The following NR5A2 variants were observed in gnomAD, a reference collection of about 807,000 sequenced individuals.
NR5A2 encodes the protein CYP7A promoter-binding factor.
In NR5A2, 26 loss-of-function variants were observed where a neutral mutation model predicts 62.7. The ratio of observed to expected loss-of-function variants is 0.41; its 90% CI spans 0.30 to 0.58. NR5A2 has a LOEUF of 0.58. Ranked by LOEUF, NR5A2 falls within the 20% of genes least tolerant of loss-of-function variation. The probability of loss-of-function intolerance (pLI) is 0.22; values close to 1 mark genes in which losing one functional copy is unlikely to be tolerated. For synonymous variants in NR5A2, 246 were observed against 241.7 expected (o/e 1.02, Z -0.16); for missense variants, 541 against 669.1 (o/e 0.81, Z 2.11).
At chr1:200,101,802 T>G (rs1438575310) in intron 5 of NR5A2, among the ~76,000 whole-genome samples, 2 of 152,228 alleles carry the variant, frequency 1.3e-5, no homozygotes, top group Non-Finnish European at 2.9e-5. Flanking sequence ...ATCATTAGTT[T>G]GTAATTAATT....
At chr1:200,040,583 G>A (rs965337060) in intron 2 of NR5A2, among the ~76,000 whole-genome samples, 3 of 152,274 alleles carry the variant, frequency 2.0e-5, no homozygotes, top group Non-Finnish European at 4.4e-5. Context: ...AAGCCCTTCA[G>A]AAGTTTATCT....
chr1:200,114,231 TATACAC>T (rs71132661), intron 6 of NR5A2, among the ~76,000 whole-genome samples: 64,480 of 130,734 alleles, frequency 0.49, 14,139 homozygotes, highest in East Asian at 0.72. Flanking sequence ...TATATATATA[TATACAC>T]ACACACACAT....
chr1:200,151,399 A>G (rs1239453477), intron 7 of NR5A2, among the ~76,000 whole-genome samples: 1 of 152,166 alleles, frequency 6.6e-6, no homozygotes, highest in Non-Finnish European at 1.5e-5. Flanking sequence ...TTCCTTTTCT[A>G]TTGATGTATC....
chr1:200,147,612 C>G lies in NR5A2; in HGVS notation c.1379-26351C>G, dbSNP rs913136523. 5 of 716,774 alleles carry G rather than the reference C, an allele frequency of 7.0e-6. No individual in the cohort carries two copies. The Admixed American group carries it at 7.1e-5, about 10-fold the overall frequency. The allele number at this position is 716,774 out of a possible 1,614,324, so 44.4% of individuals were successfully genotyped here. On this transcript the variant is annotated intron_variant, in intron 7 of 7. Transcript: ENST00000367362. The surrounding 1 kb of genome is among the most constrained non-coding windows in gnomAD (Gnocchi z 4.9). ...CGCTAGGGCAGAGCACATTTTCGCA[C>G]AGGCAGCGCCGCAGCTTGCCCTGGA...
rs77903725 is a variant in NR5A2 at position 200,143,151 on chromosome 1, C to T, written c.1378+22196C>T. On this transcript the variant is annotated intron_variant, in intron 7 of 7. Coordinates refer to ENST00000367362, the MANE Select transcript of NR5A2 (RefSeq NM_205860.3). The stretch of plus-strand genomic sequence containing the variant: ...GTCTCTTTCTCCTGTCTTGTGTTTT[C>T]TTTGCTACACACACTGTGCTCACTC... Among the ~76,000 whole-genome samples, 499 of 152,146 alleles carry T rather than the reference C, an allele frequency of 3.3e-3. 1 individual carries two copies. Among genetic ancestry groups the T allele is most frequent in the Middle Eastern group, 6.8e-3 (2 of 294 alleles).
intron 7 of NR5A2, among the ~76,000 whole-genome samples, chr1:200,144,221 T>TCACACACACA (rs755056555): frequency 7.7e-5 from 3 of 39,032 alleles, no homozygotes; most frequent in Admixed American, 3.8e-4. Flanking sequence ...TGTTTCTCTC[T>TCACACACACA]CTCTCTCTCT....
intron 7 of NR5A2, among the ~76,000 whole-genome samples, chr1:200,130,321 G>GAAGAAGAAA (rs1219705682): frequency 6.3e-5 from 2 of 31,732 alleles, no homozygotes; most frequent in Non-Finnish European, 1.8e-4. Context: ...AGAAGAAGAA[G>GAAGAAGAAA]AAAAAAAAAA....
rs1188541896 is a variant in NR5A2 at position 200,029,987 on chromosome 1, A to T, written c.64+2076A>T. On this transcript the variant is annotated intron_variant, in intron 1 of 7. Transcript: ENST00000367362. ...CCAAAGGGCTGAGGGAGAGGAACAG[A>T]GGGCGGTGAGGAGCCTTCGGACTGA... 3.3e-5 allele frequency among the ~76,000 whole-genome samples: 5 copies of T among 152,182 alleles called. No homozygotes were observed. In the East Asian group the frequency reaches 9.6e-4, roughly 29 times the overall value.
intron 7 of NR5A2, among the ~76,000 whole-genome samples, chr1:200,129,336 A>C (rs1666862439): frequency 6.6e-6 from 1 of 152,238 alleles, no homozygotes; most frequent in Non-Finnish European, 1.5e-5. Flanking sequence ...TACTGATCTC[A>C]CATCTCACTT....
At chr1:200,063,784 T>C (rs1663338944) in intron 5 of NR5A2, among the ~76,000 whole-genome samples, 1 of 152,234 alleles carries the variant, frequency 6.6e-6, no homozygotes, top group Non-Finnish European at 1.5e-5. Context: ...TCAAATTTTA[T>C]TCACATATTC....
intron 5 of NR5A2, among the ~76,000 whole-genome samples, chr1:200,102,841 A>G (rs1665443454): frequency 6.6e-6 from 1 of 152,224 alleles, no homozygotes; most frequent in African/African-American, 2.4e-5. Context: ...GAATGATAGT[A>G]TGGGATGGAG....
At chr1:200,047,867 C>T (rs374594956) in intron 4 of NR5A2, among the ~76,000 whole-genome samples, 4 of 152,190 alleles carry the variant, frequency 2.6e-5, no homozygotes, top group East Asian at 1.9e-4. Context: ...TGTGAGCCAC[C>T]GCACCACGCC....
chr1:200,065,840 C>T (rs756539485), intron 5 of NR5A2, among the ~76,000 whole-genome samples: 1 of 152,020 alleles, frequency 6.6e-6, no homozygotes, highest in Non-Finnish European at 1.5e-5. Flanking sequence ...GGACACACAG[C>T]ACTACAGGCA....
intron 2 of NR5A2, chr1:200,042,870 C>A (rs1662176463): frequency 1.1e-5 from 11 of 985,420 alleles, no homozygotes; most frequent in Non-Finnish European, 1.3e-5. Flanking sequence ...CGTGGGTCTG[C>A]GTCCGGAGCA....
intron 7 of NR5A2, among the ~76,000 whole-genome samples, chr1:200,146,559 T>C (rs1033166167): frequency 3.3e-5 from 5 of 152,236 alleles, no homozygotes; most frequent in African/African-American, 7.2e-5. Context: ...AAGACATATT[T>C]AAGATCTTTC....
intron 5 of NR5A2, among the ~76,000 whole-genome samples, chr1:200,090,903 G>A (rs544395358): frequency 1.3e-5 from 2 of 152,268 alleles, no homozygotes; most frequent in African/African-American, 4.8e-5. Context: ...CCTGGAGTGC[G>A]ATGGAAATTC....
chr1:200,148,976 A>C lies in NR5A2; in HGVS notation c.1379-24987A>C, dbSNP rs920471581. Among the ~76,000 whole-genome samples, 5 of 149,818 alleles carry C rather than the reference A, an allele frequency of 3.3e-5. No individual in the cohort carries two copies. The East Asian group carries it at 7.8e-4, about 23-fold the overall frequency. ...TCACCACGCTGGAGTGCAGTGGCAC[A>C]ATCTCAACTTAAAACAACCAACAAC... On this transcript the variant is annotated intron_variant, in intron 7 of 7. Transcript: ENST00000367362.
chr1:200,029,895 G>C (rs903073698), intron 1 of NR5A2, among the ~76,000 whole-genome samples: 1 of 152,156 alleles, frequency 6.6e-6, no homozygotes, highest in Non-Finnish European at 1.5e-5. Context: ...GAGACAATCT[G>C]TTTACCTCGT....
intron 7 of NR5A2, among the ~76,000 whole-genome samples, chr1:200,128,695 G>A (rs542226396): frequency 2.7e-4 from 41 of 152,278 alleles, no homozygotes; most frequent in African/African-American, 9.6e-4. Context: ...GGGCAGGGCA[G>A]GGTGGAGTGG....
Sources: allele counts gnomAD v4.1 joint callset (sites outside exome capture counted in the v4.1 genomes callset), GRCh38; gene constraint gnomAD v4.1.1; non-coding constraint Gnocchi (gnomAD v3.1); transcripts MANE v1.5; gene names NCBI Gene and HGNC (gene_info 2026-07-23, HGNC 2026-07-21).